The following ADAMTS3 variants were observed in gnomAD, a reference collection of about 807,000 sequenced individuals.
ADAMTS3 encodes the protein A disintegrin and metalloproteinase with thrombospondin motifs 3.
In ADAMTS3, 73 loss-of-function variants were observed where a neutral mutation model predicts 129.0. The observed-to-expected ratio is 0.57, with a 90% CI of 0.47 to 0.69. The LOEUF (loss-of-function observed/expected upper bound fraction) is 0.69, where lower values mean the gene tolerates loss of function less well. Ranked by LOEUF, ADAMTS3 falls within the 30% of genes least tolerant of loss-of-function variation. The pLI, the probability that ADAMTS3 is intolerant of heterozygous loss-of-function variation, is 0.00. For synonymous variants in ADAMTS3, 477 were observed against 510.8 expected, an observed-to-expected ratio of 0.93 and a Z score of 0.89; for missense variants, 1,457 against 1,514.5, an observed-to-expected ratio of 0.96 and a Z score of 0.63.
chr4:72,290,727 G>T (rs1718634398), intron 20 of ADAMTS3, 128 bp downstream of exon 20: 1 of 993,536 alleles, frequency 1.0e-6, no homozygotes, highest in Non-Finnish European at 1.5e-6. Context: ...ACACCTCCAG[G>T]TAATTACAAA....
intron 17 of ADAMTS3, among the ~76,000 whole-genome samples, chr4:72,300,717 C>T (rs918290530): frequency 1.2e-4 from 18 of 151,966 alleles, no homozygotes; most frequent in Non-Finnish European, 1.8e-4. Flanking sequence ...TTTCACTGTC[C>T]CATGTTCTCG....
At chr4:72,422,324 T>TA (rs1560509910) in intron 3 of ADAMTS3, among the ~76,000 whole-genome samples, 1 of 152,108 alleles carries the variant, frequency 6.6e-6, no homozygotes, top group Non-Finnish European at 1.5e-5. Context: ...CTATATAACA[T>TA]AAAGTCCTTC....
chr4:72,394,940 TTGGAGA>T (rs1190506525), intron 4 of ADAMTS3, among the ~76,000 whole-genome samples: 1 of 152,154 alleles, frequency 6.6e-6, no homozygotes, highest in Non-Finnish European at 1.5e-5. Context: ...TTTTTTTTTT[TTGGAGA>T]TGGAGTTTCA....
At chr4:72,433,454 G>T (rs528054616) in intron 3 of ADAMTS3, among the ~76,000 whole-genome samples, 1 of 151,886 alleles carries the variant, frequency 6.6e-6, no homozygotes, top group South Asian at 2.1e-4. Flanking sequence ...ACTAAGACTC[G>T]ACCCTGGTAT....
intron 9 of ADAMTS3, among the ~76,000 whole-genome samples, chr4:72,318,916 T>C (rs1241960393): frequency 6.6e-6 from 1 of 152,172 alleles, no homozygotes; most frequent in East Asian, 1.9e-4. Context: ...AAACCAAGCA[T>C]GACTTAGGAA....
chr4:72,331,029 A>C (rs1032473748), intron 5 of ADAMTS3, among the ~76,000 whole-genome samples: 6 of 152,226 alleles, frequency 3.9e-5, no homozygotes, highest in Admixed American at 3.9e-4. Context: ...AACTTAAGAA[A>C]GAAGAAAGTG....
chr4:72,561,375 G>A (rs946103536), intron 2 of ADAMTS3, among the ~76,000 whole-genome samples: 3 of 150,946 alleles, frequency 2.0e-5, no homozygotes, highest in African/African-American at 7.3e-5. Context: ...AAGGAAATGG[G>A]GCCAGTGTAG....
At chr4:72,290,438 C>T (rs1718626908) in intron 20 of ADAMTS3, among the ~76,000 whole-genome samples, 1 of 152,056 alleles carries the variant, frequency 6.6e-6, no homozygotes, top group Non-Finnish European at 1.5e-5. Flanking sequence ...AGGTAGGAGG[C>T]TCAAACAAGC....
At chr4:72,426,781 G>A (rs1722585086) in intron 3 of ADAMTS3, among the ~76,000 whole-genome samples, 2 of 151,946 alleles carry the variant, frequency 1.3e-5, no homozygotes, top group Admixed American at 1.3e-4. Context: ...CCCAGCTACT[G>A]TGTTGAGAGG....
chr4:72,499,345 C>T (rs2110022132), intron 3 of ADAMTS3, among the ~76,000 whole-genome samples: 1 of 152,202 alleles, frequency 6.6e-6, no homozygotes, highest in East Asian at 1.9e-4. Context: ...AAATCAAGTC[C>T]TGGATCAGAA....
rs112979271 is a variant in ADAMTS3 at position 72,331,755 on chromosome 4, G to A, written c.861+7739C>T. Among the ~76,000 whole-genome samples, 242 of 152,126 alleles carry A rather than the reference G, an allele frequency of 1.6e-3. 2 individuals carry two copies. Among genetic ancestry groups the A allele is most frequent in the African/African-American group, 5.6e-3 (231 of 41,498 alleles). On this transcript the variant is annotated intron_variant, in intron 5 of 21. Coordinates refer to ENST00000286657, the MANE Select transcript of ADAMTS3 (RefSeq NM_014243.3). ...AGACCTATCTCCCCTTTTTCTAGCA[G>A]GAAAATGCCAGTTGAGTTGAAAAAG...
At chr4:72,326,120 C>A (rs1719692102) in intron 5 of ADAMTS3, among the ~76,000 whole-genome samples, 1 of 152,100 alleles carries the variant, frequency 6.6e-6, no homozygotes, top group Non-Finnish European at 1.5e-5. Context: ...AAACCAAAAT[C>A]AGTTTAAGAA....
At position 72,323,159 on chromosome 4, in the gene ADAMTS3, C is replaced by T. The variant is rs1719604883; in HGVS notation, c.862-62G>A. On this transcript the variant is annotated intron_variant, in intron 5 of 21. Coordinates refer to ENST00000286657, the MANE Select transcript of ADAMTS3 (RefSeq NM_014243.3). ...AACACCGAGGATTTCATGAGATGTA[C>T]ATATAAGCTGTGTAATCACCACAAA... The T allele has an allele frequency of 9.2e-6, 12 of 1,306,326 alleles. 1 individual carries two copies. In the Middle Eastern group the frequency reaches 1.3e-3, roughly 141 times the overall value. 80.9% of individuals were successfully genotyped at this position (1,306,326 alleles called of 1,614,324 possible).
chr4:72,389,541 ATC>A (rs780683637), intron 4 of ADAMTS3, among the ~76,000 whole-genome samples: 145 of 142,604 alleles, frequency 1.0e-3, no homozygotes, highest in African/African-American at 2.7e-3. Flanking sequence ...AAAAAAAAAA[ATC>A]ATACAAACAA....
chr4:72,510,932 C>T (rs1085954), intron 3 of ADAMTS3, among the ~76,000 whole-genome samples: 98,185 of 150,848 alleles, frequency 0.65, 32,413 homozygotes, highest in African/African-American at 0.78. Flanking sequence ...ATCAGATATA[C>T]AGACCAATGG....
intron 17 of ADAMTS3, among the ~76,000 whole-genome samples, chr4:72,302,443 C>T (rs892846189): frequency 5.3e-5 from 8 of 151,770 alleles, no homozygotes; most frequent in African/African-American, 1.7e-4. Flanking sequence ...AGGAATAATC[C>T]GATCTGAAAA....
chr4:72,531,788 T>C (rs1041314400), intron 3 of ADAMTS3, among the ~76,000 whole-genome samples: 4 of 152,130 alleles, frequency 2.6e-5, no homozygotes, highest in African/African-American at 9.7e-5. Flanking sequence ...CCAGGCAATC[T>C]TTCCCTGAAC....
intron 2 of ADAMTS3, among the ~76,000 whole-genome samples, chr4:72,562,973 T>C (rs1560569002): frequency 2.0e-5 from 3 of 152,174 alleles, no homozygotes; most frequent in Non-Finnish European, 2.9e-5. Context: ...AAATTACTCA[T>C]GATTTTGCCA....
chr4:72,311,235 C>A, intron 13 of ADAMTS3, 54 bp from the exon 14 acceptor site: 1 of 1,486,920 alleles, frequency 6.7e-7, no homozygotes. Context: ...AATGTTTGAA[C>A]AGCATAGTTT....
Sources: allele counts gnomAD v4.1 joint callset (sites outside exome capture counted in the v4.1 genomes callset), GRCh38; gene constraint gnomAD v4.1.1; transcripts MANE v1.5; gene names NCBI Gene and HGNC (gene_info 2026-07-23, HGNC 2026-07-21).